Variants in MYRIP observed in about 807,000 individuals in gnomAD.
MYRIP encodes the protein rab effector MyRIP.
In MYRIP, 49 loss-of-function variants were observed where a neutral mutation model predicts 98.0. That is an observed-to-expected ratio of 0.50 (90% confidence interval 0.40 to 0.63). The LOEUF (loss-of-function observed/expected upper bound fraction) is 0.63, where lower values mean the gene tolerates loss of function less well. Ranked by LOEUF, MYRIP falls within the 30% of genes least tolerant of loss-of-function variation. MYRIP has a pLI of 0.00. For synonymous variants in MYRIP, 404 were observed against 409.5 expected (o/e 0.99, Z 0.16); for missense variants, 1,004 against 1,058.2 (o/e 0.95, Z 0.71).
intron 3 of MYRIP, among the ~76,000 whole-genome samples, chr3:40,147,215 C>A (rs545321159): frequency 1.3e-5 from 2 of 151,976 alleles, no homozygotes; most frequent in Non-Finnish European, 2.9e-5. Context: ...TATATGCTGG[C>A]GACCTCTATG....
chr3:39,968,485 T>C (rs1945496860), intron 2 of MYRIP, among the ~76,000 whole-genome samples: 1 of 152,154 alleles, frequency 6.6e-6, no homozygotes, highest in Admixed American at 6.6e-5. Context: ...TTAACCTATC[T>C]TGAGTTGATT....
chr3:40,121,132 G>C (rs1199604367), intron 3 of MYRIP, among the ~76,000 whole-genome samples: 1 of 152,142 alleles, frequency 6.6e-6, no homozygotes, highest in East Asian at 1.9e-4. Flanking sequence ...AGACAGCTAG[G>C]CGGGTCCCAC....
chr3:40,033,000 C>T (rs1033887312), intron 2 of MYRIP, among the ~76,000 whole-genome samples: 3 of 151,710 alleles, frequency 2.0e-5, no homozygotes, highest in African/African-American at 7.2e-5. Flanking sequence ...GCAGAAAAGG[C>T]CTTTGAAAAA....
At chr3:40,084,012 C>G (rs1024298064) in intron 3 of MYRIP, among the ~76,000 whole-genome samples, 2 of 151,370 alleles carry the variant, frequency 1.3e-5, no homozygotes, top group Non-Finnish European at 2.9e-5. Flanking sequence ...TGGCAGGCGT[C>G]TGTAGTCCCA....
At chr3:39,940,173 A>G (rs370694369) in intron 2 of MYRIP, among the ~76,000 whole-genome samples, 4 of 152,122 alleles carry the variant, frequency 2.6e-5, no homozygotes, top group Admixed American at 2.0e-4. Flanking sequence ...ATGGAAATAC[A>G]CACAATGATA....
intron 2 of MYRIP, among the ~76,000 whole-genome samples, chr3:39,934,035 G>A (rs1455664479): frequency 3.9e-5 from 6 of 152,166 alleles, no homozygotes; most frequent in Non-Finnish European, 8.8e-5. Context: ...AGAAACTCTG[G>A]AGGTGGCATT....
chr3:39,870,218 C>T (rs190011977), intron 1 of MYRIP, among the ~76,000 whole-genome samples: 6 of 152,230 alleles, frequency 3.9e-5, no homozygotes, highest in East Asian at 1.9e-4. Flanking sequence ...TAGCTAATGA[C>T]GGTACTTCTA....
intron 2 of MYRIP, among the ~76,000 whole-genome samples, chr3:40,031,320 T>C (rs13092608): frequency 0.28 from 42,355 of 152,018 alleles, 6,606 homozygotes; most frequent in Non-Finnish European, 0.36. Context: ...CACTGGGGGT[T>C]AGTTTTCAAC....
In MYRIP at chr3:40,258,289, T is replaced by G. The variant is rs1415479708; in HGVS notation, c.*123T>G. The G allele has an allele frequency of 9.8e-6, 11 of 1,124,830 alleles. No homozygotes were observed. The highest frequency in any genetic ancestry group is 7.1e-5 in the East Asian group (3 of 42,280). 69.7% of individuals were successfully genotyped at this position (1,124,830 alleles called of 1,614,324 possible). A position where few individuals can be genotyped will look rare whatever the true frequency, so the allele number is the denominator to read the frequency against. Reference sequence around the variant, plus strand: ...AGGAGAAGGCCTGGGGAGGCCACAGTGCACCATTGCACAGGGCTGTCCTGA... The same window carrying G: ...AGGAGAAGGCCTGGGGAGGCCACAGGGCACCATTGCACAGGGCTGTCCTGA... On this transcript the variant is annotated 3_prime_UTR_variant, in exon 17 of 17. Transcript: ENST00000302541.
intron 3 of MYRIP, among the ~76,000 whole-genome samples, chr3:40,052,949 T>C (rs1947820798): frequency 6.6e-6 from 1 of 152,012 alleles, no homozygotes; most frequent in Non-Finnish European, 1.5e-5. Flanking sequence ...CATAGAAAAA[T>C]AGAAAAGGAA....
At chr3:39,814,412 T>C (rs1940810423) in intron 1 of MYRIP, among the ~76,000 whole-genome samples, 1 of 152,200 alleles carries the variant, frequency 6.6e-6, no homozygotes, top group Non-Finnish European at 1.5e-5. Context: ...TGTATTTCCA[T>C]TGGTTTTTTT....
At chr3:39,989,762 G>T (rs959528807) in intron 2 of MYRIP, among the ~76,000 whole-genome samples, 2 of 152,208 alleles carry the variant, frequency 1.3e-5, no homozygotes, top group Non-Finnish European at 2.9e-5. Flanking sequence ...ATGGGTCAAG[G>T]TCAGGCCTGA....
chr3:40,086,706 T>A (rs559981527), intron 3 of MYRIP, among the ~76,000 whole-genome samples: 1 of 152,188 alleles, frequency 6.6e-6, no homozygotes, highest in Non-Finnish European at 1.5e-5. Flanking sequence ...AGTTCCACTA[T>A]GCATCAGAGA....
rs1025374926 is a variant in MYRIP at position 40,007,677 on chromosome 3, T to C, written c.111-36373T>C. Reference sequence around the variant, plus strand: ...ACAAAACCACTAGGATGTGTGTATGTGTGTGCAAGATTGACTGATTTTAAG... The same window carrying C: ...ACAAAACCACTAGGATGTGTGTATGCGTGTGCAAGATTGACTGATTTTAAG... On this transcript the variant is annotated intron_variant, in intron 2 of 16. Transcript: ENST00000302541. Among the ~76,000 whole-genome samples, 16 of 152,306 alleles carry C rather than the reference T, an allele frequency of 1.1e-4. No homozygotes were observed. The East Asian group carries it at 2.7e-3, about 26-fold the overall frequency.
chr3:39,930,183 G>A (rs1944503638), intron 2 of MYRIP, among the ~76,000 whole-genome samples: 1 of 151,850 alleles, frequency 6.6e-6, no homozygotes, highest in Non-Finnish European at 1.5e-5. Context: ...AATGTATGAG[G>A]GTTCCAGTTT....
intron 3 of MYRIP, among the ~76,000 whole-genome samples, chr3:40,137,282 A>G (rs1949799906): frequency 6.6e-6 from 1 of 152,262 alleles, no homozygotes; most frequent in Admixed American, 6.5e-5. Flanking sequence ...TAGAAAATCT[A>G]GAAGAAATGG....
intron 5 of MYRIP, among the ~76,000 whole-genome samples, chr3:40,164,681 A>G (rs1950466789): frequency 6.6e-6 from 1 of 152,158 alleles, no homozygotes; most frequent in African/African-American, 2.4e-5. Context: ...AACTTTGGCC[A>G]CCTTGCCTTC....
At position 39,948,640 on chromosome 3, in the gene MYRIP, T is replaced by C. The variant is rs77645311; in HGVS notation, c.110+47714T>C. On this transcript the variant is annotated intron_variant, in intron 2 of 16. Coordinates refer to ENST00000302541, the MANE Select transcript of MYRIP (RefSeq NM_015460.4). ...AAGAAGTAAGAAACAGATGATAATA[T>C]GAAAGAGAGGTTAAGAGTCAAAGAG... is the stretch of plus-strand genomic sequence containing the variant. Among the ~76,000 whole-genome samples the C allele has an allele frequency of 5.9e-3, 902 of 151,970 alleles. 9 individuals carry two copies. Among genetic ancestry groups the C allele is most frequent in the African/African-American group, 0.02 (849 of 41,466 alleles).
chr3:40,043,967 AG>A, intron 2 of MYRIP, 82 bp from the exon 3 acceptor site: 1 of 1,309,814 alleles, frequency 7.6e-7, no homozygotes, highest in Non-Finnish European at 1.1e-6. Flanking sequence ...AGGGAGGGAC[AG>A]GGTGCATGCT....
Sources: gnomAD v4.1 joint callset for allele counts (sites outside exome capture counted in the v4.1 genomes callset) on GRCh38, gnomAD v4.1.1 for gene constraint, MANE v1.5 for transcripts, NCBI Gene and HGNC (gene_info 2026-07-23, HGNC 2026-07-21) for gene names.